SUSD4: variants seen among roughly 807,000 people sequenced by gnomAD.
SUSD4 encodes the protein sushi domain-containing protein 4.
SUSD4 carries 41 observed loss-of-function variants against 50.5 expected under a neutral mutation model. The observed-to-expected ratio is 0.81, with a 90% confidence interval of 0.63 to 1.05. SUSD4 has a LOEUF of 1.05. Ranked by LOEUF, SUSD4 falls within the 50% of genes least tolerant of loss-of-function variation. The probability of loss-of-function intolerance (pLI) is 0.00; values close to 1 mark genes in which losing one functional copy is unlikely to be tolerated. For missense variants in SUSD4, 580 were observed against 634.7 expected, an observed-to-expected ratio of 0.91 and a Z score of 0.93; for synonymous variants, 257 against 257.3, an observed-to-expected ratio of 1.00 and a Z score of 0.01.
At chr1:223,316,921 G>C (rs1190903865) in intron 2 of SUSD4, among the ~76,000 whole-genome samples, 1 of 152,152 alleles carries the variant, frequency 6.6e-6, no homozygotes, top group African/African-American at 2.4e-5. Flanking sequence ...AGGAGAGGAG[G>C]GGGGCCTTGG....
intron 3 of SUSD4, among the ~76,000 whole-genome samples, chr1:223,283,110 C>T (rs1166835618): frequency 1.3e-5 from 2 of 152,158 alleles, no homozygotes; most frequent in Non-Finnish European, 2.9e-5. Context: ...AAATATTAGA[C>T]CTAAAACCAT....
rs1162862614 is a variant in SUSD4, at chr1:223,268,665, G to T, written c.372C>A (p.Ile124=). ...GAATCTCAGCATCTTCGATTTGAGG[G>T]ATACGGCAATCTGCAATTTTGTAAA... The part of the protein sequence containing the change: ...NSICVQEDCR[I]PQIEDAEIHN... Residue 124 remains isoleucine, a synonymous_variant, in exon 4 of 9, where the codon ATC becomes ATA. Coordinates refer to ENST00000366878, the MANE Select transcript of SUSD4 (RefSeq NM_017982.4). 1 of 1,609,484 alleles carries T rather than the reference G, an allele frequency of 6.2e-7. No individual in the cohort carries two copies. Among genetic ancestry groups the T allele is most frequent in the Non-Finnish European group, 8.5e-7 (1 of 1,178,036 alleles).
chr1:223,276,099 G>A (rs1172474881), intron 3 of SUSD4, among the ~76,000 whole-genome samples: 1 of 152,238 alleles, frequency 6.6e-6, no homozygotes, highest in Non-Finnish European at 1.5e-5. Context: ...GGAAGGACCC[G>A]AGTGGGGGTA....
intron 5 of SUSD4, chr1:223,264,265 C>T: frequency 1.0e-6 from 1 of 1,004,982 alleles, no homozygotes; most frequent in Non-Finnish European, 1.2e-6. Flanking sequence ...AACAGCGACA[C>T]AACAATAAAA....
chr1:223,363,650 A>C, intron 1 of SUSD4, 190 bp from the exon 2 acceptor site: 1 of 581,644 alleles, frequency 1.7e-6, no homozygotes, highest in South Asian at 3.0e-5. Flanking sequence ...GCACTGAGTA[A>C]CAGCCGCCGT....
At chr1:223,251,438 C>A (rs1661299810) in intron 5 of SUSD4, among the ~76,000 whole-genome samples, 1 of 152,154 alleles carries the variant, frequency 6.6e-6, no homozygotes, top group Non-Finnish European at 1.5e-5. Flanking sequence ...CATGAGGGAT[C>A]CACCCCCATG....
Position 223,239,586 on chromosome 1 carries a change from T to A in SUSD4, c.725-10198A>T, listed in dbSNP as rs185799071. 1.2e-4 allele frequency among the ~76,000 whole-genome samples: 19 copies of A among 152,212 alleles called. No homozygotes were observed. In the East Asian group the frequency reaches 3.5e-3, roughly 28 times the overall value. ...AATTAACATTTACAATGAATCCAAG[T>A]CCACTTTCAAATATCACAATGCCAC... On this transcript the variant is annotated intron_variant, in intron 5 of 8. Transcript: ENST00000366878.
chr1:223,289,028 G>A, intron 3 of SUSD4: 1 of 893,932 alleles, frequency 1.1e-6, no homozygotes, highest in Non-Finnish European at 1.3e-6. Context: ...TATTTACTCT[G>A]GAAAAGTATC....
intron 5 of SUSD4, among the ~76,000 whole-genome samples, chr1:223,239,969 T>G (rs1660469602): frequency 6.6e-6 from 1 of 152,206 alleles, no homozygotes; most frequent in Non-Finnish European, 1.5e-5. Flanking sequence ...CAAGGCCTAC[T>G]GGCAACAAAC....
At chr1:223,363,240 C>T (rs1469373602) in intron 2 of SUSD4, 38 bp downstream of exon 2, 1 of 1,512,886 alleles carries the variant, frequency 6.6e-7, no homozygotes, top group Admixed American at 2.0e-5. Flanking sequence ...CCCCTCTGGG[C>T]CATCCCCAGG....
chr1:223,302,089 A>G (rs929837327), intron 2 of SUSD4, among the ~76,000 whole-genome samples: 2 of 152,064 alleles, frequency 1.3e-5, no homozygotes, highest in African/African-American at 4.8e-5. Flanking sequence ...TACAGTTCTC[A>G]CAAGTTGTTT....
intron 5 of SUSD4, among the ~76,000 whole-genome samples, chr1:223,257,032 T>C (rs1661743631): frequency 6.6e-6 from 1 of 152,224 alleles, no homozygotes; most frequent in South Asian, 2.1e-4. Flanking sequence ...TGGCATAGAG[T>C]AGGCATCCAA....
chr1:223,267,866 A>T (rs2103081119), intron 4 of SUSD4, among the ~76,000 whole-genome samples: 1 of 151,710 alleles, frequency 6.6e-6, no homozygotes, highest in East Asian at 1.9e-4. Context: ...TAAAATCAGA[A>T]TTACTCTGAA....
intron 2 of SUSD4, among the ~76,000 whole-genome samples, chr1:223,354,895 G>A (rs935971154): frequency 6.6e-6 from 1 of 152,188 alleles, no homozygotes; most frequent in Non-Finnish European, 1.5e-5. Flanking sequence ...AGTTAGAACA[G>A]GAACAATGCT....
chr1:223,223,283 C>A lies in SUSD4; in HGVS notation c.1410G>T (p.Val470=). 6.4e-7 allele frequency: 1 copy of A among 1,563,178 alleles called. No individual in the cohort carries two copies. The highest frequency in any genetic ancestry group is 1.2e-5 in the South Asian group (1 of 81,874). Residue 470 remains valine (V), a synonymous_variant, in exon 8 of 9, where the codon GTG becomes GTT. Transcript: ENST00000366878. ...PDIIASTAEE[V]ASTSPGIDIA... ...TGTCGATGCCTGGGCTGGTGGATGC[C>A]ACCTCCTCTGCCGTGCTGGCAATTA...
At position 223,262,299 on chromosome 1, in the gene SUSD4, C is replaced by G. The variant is rs190775152; in HGVS notation, c.724+2331G>C. On this transcript the variant is annotated intron_variant, in intron 5 of 8. Coordinates refer to ENST00000366878, the MANE Select transcript of SUSD4 (RefSeq NM_017982.4). ...CAGAGAGTTCTAACATATCTAAAAG[C>G]CCCTTAGAGCATCATAATTCCACAG... is the stretch of plus-strand genomic sequence containing the variant. Among the ~76,000 whole-genome samples, 3 of 152,294 alleles carry G rather than the reference C, an allele frequency of 2.0e-5. No homozygotes were observed. In the East Asian group the frequency reaches 5.8e-4, roughly 29 times the overall value.
At chr1:223,276,111 G>A (rs531217151) in intron 3 of SUSD4, among the ~76,000 whole-genome samples, 3 of 152,314 alleles carry the variant, frequency 2.0e-5, no homozygotes, top group Non-Finnish European at 4.4e-5. Context: ...GTGGGGGTAG[G>A]TCTGCATTTT....
At chr1:223,313,948 G>A (rs972764403) in intron 2 of SUSD4, among the ~76,000 whole-genome samples, 1 of 152,008 alleles carries the variant, frequency 6.6e-6, no homozygotes. Context: ...CCCCTTCCCG[G>A]GAAAACTCAC....
At chr1:223,263,007 G>C (rs187654756) in intron 5 of SUSD4, among the ~76,000 whole-genome samples, 16 of 152,238 alleles carry the variant, frequency 1.1e-4, no homozygotes, top group Admixed American at 1.3e-4. Flanking sequence ...ATATTCTCTA[G>C]TCTCCATAAA....
Sources: allele counts gnomAD v4.1 joint callset (sites outside exome capture counted in the v4.1 genomes callset), GRCh38; gene constraint gnomAD v4.1.1; transcripts MANE v1.5; gene names NCBI Gene and HGNC (gene_info 2026-07-23, HGNC 2026-07-21).